OPCML: variants seen among roughly 807,000 people sequenced by gnomAD.
The protein encoded by OPCML is opioid binding protein/cell adhesion molecule like.
In OPCML, 13 loss-of-function variants were observed where a neutral mutation model predicts 37.8. The ratio of observed to expected loss-of-function variants is 0.34; its 90% CI spans 0.22 to 0.55. The LOEUF is 0.55. Among genes scored for constraint, OPCML ranks in the 20% least tolerant of loss-of-function variants. The pLI is 0.91. For synonymous variants in OPCML, 176 were observed against 168.8 expected, an observed-to-expected ratio of 1.04 and a Z score of -0.33; for missense variants, 341 against 435.6, an observed-to-expected ratio of 0.78 and a Z score of 1.93.
chr11:132,583,535 A>C (rs937276922), intron 3 of OPCML, among the ~76,000 whole-genome samples: 1 of 152,096 alleles, frequency 6.6e-6, no homozygotes, highest in Non-Finnish European at 1.5e-5. Flanking sequence ...TCTTGACTCA[A>C]GCAATCCTCT....
At chr11:132,980,900 C>A (rs1480580550) in intron 1 of OPCML, among the ~76,000 whole-genome samples, 1 of 152,220 alleles carries the variant, frequency 6.6e-6, no homozygotes, top group African/African-American at 2.4e-5. Flanking sequence ...GACAGGGATT[C>A]ATTCTAAGAA....
chr11:133,178,646 G>A (rs188780501), intron 1 of OPCML, among the ~76,000 whole-genome samples: 297 of 152,238 alleles, frequency 2.0e-3, no homozygotes, highest in Non-Finnish European at 3.1e-3. Flanking sequence ...AACCAGGACA[G>A]TGTGTGTCCT....
intron 1 of OPCML, among the ~76,000 whole-genome samples, chr11:133,189,936 A>G (rs570581835): frequency 6.6e-6 from 1 of 152,350 alleles, no homozygotes; most frequent in South Asian, 2.1e-4. Context: ...GCTGCCTTGT[A>G]CTGAACAGAT....
At chr11:132,890,498 A>G (rs11223265) in intron 2 of OPCML, among the ~76,000 whole-genome samples, 22,757 of 152,030 alleles carry the variant, frequency 0.15, 2,260 homozygotes, top group African/African-American at 0.27. Flanking sequence ...TACACAGAAT[A>G]ATTTAAGGGA....
intron 1 of OPCML, among the ~76,000 whole-genome samples, chr11:133,437,799 T>G (rs1254429439): frequency 1.3e-5 from 2 of 151,858 alleles, no homozygotes; most frequent in African/African-American, 4.8e-5. Context: ...GAGATTAAAT[T>G]TACATCTTAT....
chr11:132,618,082 T>A (rs1316723948), intron 3 of OPCML, among the ~76,000 whole-genome samples: 1 of 152,206 alleles, frequency 6.6e-6, no homozygotes, highest in Admixed American at 6.5e-5. Flanking sequence ...AAGAGCTAGG[T>A]TATATGCAGT....
intron 2 of OPCML, among the ~76,000 whole-genome samples, chr11:132,942,312 T>C (rs764065607): frequency 3.3e-5 from 5 of 152,230 alleles, no homozygotes; most frequent in Non-Finnish European, 5.9e-5. Context: ...GAAGTGATGT[T>C]GTTGCATAAA....
At chr11:133,004,042 CA>C in intron 1 of OPCML, 2 of 985,382 alleles carry the variant, frequency 2.0e-6, no homozygotes, top group Non-Finnish European at 2.4e-6. Context: ...GCGGAAATGC[CA>C]GCTGGGAAGG....
chr11:133,135,259 T>A (rs912884471), intron 1 of OPCML, among the ~76,000 whole-genome samples: 1 of 152,168 alleles, frequency 6.6e-6, no homozygotes, highest in East Asian at 1.9e-4. Context: ...TGCCTGTTAC[T>A]GAGGAATTTA....
At chr11:132,656,383 C>G (rs1030700554) in intron 3 of OPCML, among the ~76,000 whole-genome samples, 1 of 152,146 alleles carries the variant, frequency 6.6e-6, no homozygotes, top group African/African-American at 2.4e-5. Context: ...AAATTAAAAA[C>G]TATTTTAAAA....
intron 1 of OPCML, among the ~76,000 whole-genome samples, chr11:133,284,009 CA>C (rs1444937523): frequency 2.0e-5 from 3 of 152,268 alleles, no homozygotes; most frequent in African/African-American, 7.2e-5. Context: ...TTTCCGCCAG[CA>C]GTAATCAGCC....
intron 2 of OPCML, among the ~76,000 whole-genome samples, chr11:132,743,466 A>G (rs1450810834): frequency 6.6e-6 from 1 of 152,220 alleles, no homozygotes; most frequent in Non-Finnish European, 1.5e-5. Flanking sequence ...TGATTAGATC[A>G]GAGCAGAAGA....
At chr11:132,779,306 C>T (rs776396786) in intron 2 of OPCML, among the ~76,000 whole-genome samples, 17 of 151,992 alleles carry the variant, frequency 1.1e-4, no homozygotes, top group African/African-American at 3.4e-4. Flanking sequence ...TGTATCACAG[C>T]GTATGTCCCA....
At chr11:133,140,765 A>ACG (rs1337926149) in intron 1 of OPCML, among the ~76,000 whole-genome samples, 7 of 128,754 alleles carry the variant, frequency 5.4e-5, no homozygotes, top group Non-Finnish European at 1.1e-4. Context: ...GAAGACGACG[A>ACG]AGAAGAAGAA....
At chr11:133,274,818 A>G (rs1433607675) in intron 1 of OPCML, among the ~76,000 whole-genome samples, 1 of 152,200 alleles carries the variant, frequency 6.6e-6, no homozygotes, top group African/African-American at 2.4e-5. Context: ...CTCCCTTGGA[A>G]TTTCTCCTTC....
intron 1 of OPCML, among the ~76,000 whole-genome samples, chr11:133,525,007 C>T (rs1255723687): frequency 6.6e-6 from 1 of 152,232 alleles, no homozygotes; most frequent in Admixed American, 6.5e-5. Flanking sequence ...TGCTCTCTCC[C>T]ACCCGTGCTA....
chr11:133,502,875 T>A (rs994020722), intron 1 of OPCML, among the ~76,000 whole-genome samples: 1 of 152,172 alleles, frequency 6.6e-6, no homozygotes, highest in Non-Finnish European at 1.5e-5. Context: ...TGGATGGGAC[T>A]GAGGAGGGCC....
intron 1 of OPCML, among the ~76,000 whole-genome samples, chr11:133,204,884 A>ATATGTGTATATATATATATATATGTG (rs374646818): frequency 0.027 from 973 of 36,226 alleles, 9 homozygotes; most frequent in Non-Finnish European, 0.053. Context: ...ATATATATAT[A>ATATGTGTATATATATATATATATGTG]TATATATATA....
intron 4 of OPCML, among the ~76,000 whole-genome samples, chr11:132,480,301 A>T (rs1017131320): frequency 3.3e-5 from 5 of 152,212 alleles, no homozygotes; most frequent in Non-Finnish European, 7.3e-5. Flanking sequence ...AAATGAAGCA[A>T]GAAGGGAAGT....
Sources: allele counts gnomAD v4.1 joint callset (sites outside exome capture counted in the v4.1 genomes callset), GRCh38; gene constraint gnomAD v4.1.1; transcripts MANE v1.5; gene names NCBI Gene and HGNC (gene_info 2026-07-23, HGNC 2026-07-21).